Variants in PHF14 observed in about 807,000 individuals in gnomAD.
PHF14 encodes PHD finger protein 14.
In PHF14, 55 loss-of-function variants were observed where a neutral mutation model predicts 117.9. That is an observed-to-expected ratio of 0.47 (90% CI 0.38 to 0.58). The LOEUF (loss-of-function observed/expected upper bound fraction) is 0.58, where lower values mean the gene tolerates loss of function less well. PHF14 is among the 20% of genes least tolerant of loss of function. The pLI is 0.00. For missense variants in PHF14, 978 were observed against 1,122.2 expected, an observed-to-expected ratio of 0.87 and a Z score of 1.84; for synonymous variants, 409 against 368.6, an observed-to-expected ratio of 1.11 and a Z score of -1.26.
rs1025951303 is a variant in PHF14, at chr7:10,982,264, T to A, written c.113-108T>A. On this transcript the variant is annotated intron_variant, in intron 2 of 17. Coordinates refer to ENST00000634607, the MANE Select transcript of PHF14 (RefSeq NM_001007157.2). The stretch of plus-strand genomic sequence containing the variant: ...TTGACTTAAATTTGTTTATATTGTT[T>A]TGCAAGTTATTCACAAATTTTGGTG... 1.2e-5 allele frequency: 8 copies of A among 645,918 alleles called. No individual in the cohort carries two copies. In the African/African-American group the frequency reaches 1.5e-4, roughly 12 times the overall value. 40.0% of individuals were successfully genotyped at this position (645,918 alleles called of 1,614,324 possible).
intron 16 of PHF14, chr7:11,105,947 A>G (rs1280080667): frequency 1.0e-6 from 1 of 984,738 alleles, no homozygotes; most frequent in Non-Finnish European, 1.2e-6. Context: ...ATACAAAGTT[A>G]CATGGAGCTT....
At chr7:11,014,516 G>A (rs1783457786) in intron 5 of PHF14, among the ~76,000 whole-genome samples, 1 of 152,116 alleles carries the variant, frequency 6.6e-6, no homozygotes, top group African/African-American at 2.4e-5. Flanking sequence ...AAGGCCCTCT[G>A]TGTTGAGAGG....
intron 17 of PHF14, among the ~76,000 whole-genome samples, chr7:11,115,616 A>G (rs1315943971): frequency 1.3e-5 from 2 of 152,028 alleles, no homozygotes; most frequent in Non-Finnish European, 2.9e-5. Context: ...AATCAGCCAG[A>G]TCAGGAAGTT....
In PHF14 at chr7:11,088,418, G is replaced by GCACGCACA. The variant is rs10625363; in HGVS notation, c.2655-22929_2655-22928insGCACACAC. Reference sequence around the variant, plus strand: ...CATACACACAAACACACACACACACGCACACACACACACAGTCCTATTTCC... The same window carrying GCACGCACA: ...CATACACACAAACACACACACACACGCACGCACACACACACACACACAGTCCTATTTCC... On this transcript the variant is annotated intron_variant, in intron 16 of 17. Coordinates refer to ENST00000634607, the MANE Select transcript of PHF14 (RefSeq NM_001007157.2). Among the ~76,000 whole-genome samples the GCACGCACA allele has an allele frequency of 6.8e-3, 1,028 of 150,666 alleles. 10 individuals are homozygous for GCACGCACA. Among genetic ancestry groups the GCACGCACA allele is most frequent in the African/African-American group, 0.024 (963 of 40,978 alleles).
At chr7:10,983,236 T>G (rs1366939053) in intron 3 of PHF14, 77 bp downstream of exon 3, 1 of 1,476,066 alleles carries the variant, frequency 6.8e-7, no homozygotes, top group Non-Finnish European at 9.0e-7. Flanking sequence ...CACATTGTAT[T>G]AAGTGGCTTC....
chr7:10,990,173 G>C (rs1451892844), intron 3 of PHF14, among the ~76,000 whole-genome samples: 1 of 152,138 alleles, frequency 6.6e-6, no homozygotes, highest in Non-Finnish European at 1.5e-5. Flanking sequence ...AAGGAGTATA[G>C]AGTCCTTAAG....
intron 4 of PHF14, chr7:11,006,954 C>T (rs1783128521): frequency 4.7e-6 from 2 of 428,550 alleles, no homozygotes; most frequent in East Asian, 5.1e-5. Flanking sequence ...GCATGTGGAT[C>T]ACCTGAAGTC....
In PHF14 at chr7:11,098,462, G is replaced by T. The variant is rs113431712; in HGVS notation, c.2655-12888G>T. ...CCTTGGATCCCTCTCTGTCTGCCTT[G>T]CCTCTCCTCATTTTTATTGCTAGTG... On this transcript the variant is annotated intron_variant, in intron 16 of 17. Coordinates refer to ENST00000634607, the MANE Select transcript of PHF14 (RefSeq NM_001007157.2). 1.8e-3 allele frequency among the ~76,000 whole-genome samples: 278 copies of T among 152,034 alleles called. 5 individuals are homozygous for T. Among genetic ancestry groups the T allele is most frequent in the African/African-American group, 6.3e-3 (261 of 41,448 alleles).
chr7:10,988,894 C>T (rs1425982250), intron 3 of PHF14, among the ~76,000 whole-genome samples: 2 of 151,970 alleles, frequency 1.3e-5, no homozygotes, highest in Non-Finnish European at 2.9e-5. Context: ...AGGGAATAAG[C>T]GAGAGGTGAG....
intron 17 of PHF14, among the ~76,000 whole-genome samples, chr7:11,161,428 G>C (rs1162563196): frequency 6.6e-6 from 1 of 151,740 alleles, no homozygotes; most frequent in African/African-American, 2.4e-5. Context: ...TAATATACTT[G>C]TTTTTTTATG....
At chr7:11,166,916 TAAGA>T (rs1257049197) in intron 17 of PHF14, among the ~76,000 whole-genome samples, 1 of 152,188 alleles carries the variant, frequency 6.6e-6, no homozygotes, top group Admixed American at 6.5e-5. Flanking sequence ...ACTTTATTTC[TAAGA>T]AAAATTCAAC....
rs187141111 is a variant in PHF14, at chr7:11,128,068, A to G, written c.2772+16601A>G. Among the ~76,000 whole-genome samples, 6 of 152,128 alleles carry G rather than the reference A, an allele frequency of 3.9e-5. 1 individual carries two copies. The highest frequency in any genetic ancestry group is 9.6e-5 in the African/African-American group (4 of 41,512). On this transcript the variant is annotated intron_variant, in intron 17 of 17. Transcript: ENST00000634607. The stretch of plus-strand genomic sequence containing the variant: ...TAGAGTCCTCCATTGTAACTGCCCA[A>G]CTTCTCAAGATTCACTGTATTGGTT...
At chr7:11,062,988 A>T (rs116115904) in intron 16 of PHF14, 35 of 853,010 alleles carry the variant, frequency 4.1e-5, no homozygotes, top group Non-Finnish European at 4.8e-5. Flanking sequence ...GAATAAACAT[A>T]TTGATAAAAC....
chr7:11,107,493 T>A, intron 16 of PHF14: 1 of 863,102 alleles, frequency 1.2e-6, no homozygotes, highest in South Asian at 5.4e-5. Context: ...GCTTTTATCT[T>A]ATAATTGGGA....
At chr7:11,155,569 G>C (rs1293560232) in intron 17 of PHF14, among the ~76,000 whole-genome samples, 1 of 152,008 alleles carries the variant, frequency 6.6e-6, no homozygotes, top group Admixed American at 6.6e-5. Flanking sequence ...ATGTCTCATT[G>C]CATTAGTCAT....
Position 11,130,152 on chromosome 7 carries a change from C to T in PHF14, c.2772+18685C>T, listed in dbSNP as rs1178152697. ...AGGTTTTGTTTCAACATATGTGGTC[C>T]ACAGCATAGTAGCAGGAAATACCAC... On this transcript the variant is annotated intron_variant, in intron 17 of 17. Coordinates refer to ENST00000634607, the MANE Select transcript of PHF14 (RefSeq NM_001007157.2). The surrounding 1 kb of genome is among the most constrained non-coding windows in gnomAD (Gnocchi z 4.2). Among the ~76,000 whole-genome samples, 1 of 151,992 alleles carries T rather than the reference C, an allele frequency of 6.6e-6. No individual in the cohort carries two copies. Among genetic ancestry groups the T allele is most frequent in the Non-Finnish European group, 1.5e-5 (1 of 67,970 alleles).
intron 12 of PHF14, among the ~76,000 whole-genome samples, chr7:11,042,208 A>G (rs1784524479): frequency 6.6e-6 from 1 of 152,098 alleles, no homozygotes; most frequent in Non-Finnish European, 1.5e-5. Context: ...GTATATCTAC[A>G]TGTTGAAGAC....
intron 16 of PHF14, among the ~76,000 whole-genome samples, chr7:11,085,011 CT>C (rs1334333433): frequency 6.6e-6 from 1 of 151,248 alleles, no homozygotes; most frequent in Non-Finnish European, 1.5e-5. Flanking sequence ...TTTGTTTTTG[CT>C]TTATTGCTAA....
intron 17 of PHF14, among the ~76,000 whole-genome samples, chr7:11,127,960 C>G (rs75522083): frequency 0.015 from 2,355 of 152,078 alleles, 58 homozygotes; most frequent in African/African-American, 0.054. Context: ...GAACTCCTCT[C>G]AAGACCTCCA....
Sources: allele counts gnomAD v4.1 joint callset (sites outside exome capture counted in the v4.1 genomes callset), GRCh38; gene constraint gnomAD v4.1.1; non-coding constraint Gnocchi (gnomAD v3.1); transcripts MANE v1.5; gene names NCBI Gene and HGNC (gene_info 2026-07-23, HGNC 2026-07-21).